SEMA3A: variants seen among roughly 807,000 people sequenced by gnomAD.
SEMA3A encodes semaphorin-3A.
SEMA3A carries 29 observed loss-of-function variants against 97.9 expected under a neutral mutation model. That is an observed-to-expected ratio of 0.30 (90% confidence interval 0.22 to 0.40). The LOEUF (loss-of-function observed/expected upper bound fraction) is 0.40, where lower values mean the gene tolerates loss of function less well. Ranked by LOEUF, SEMA3A falls within the 10% of genes least tolerant of loss-of-function variation. The pLI is 1.00. For synonymous variants in SEMA3A, 321 were observed against 323.7 expected (o/e 0.99, Z 0.09); for missense variants, 763 against 951.3 (o/e 0.80, Z 2.60).
intron 1 of SEMA3A, among the ~76,000 whole-genome samples, chr7:84,382,073 T>C (rs1358247481): frequency 6.6e-6 from 1 of 152,172 alleles, no homozygotes; most frequent in African/African-American, 2.4e-5. Context: ...TAAAAATTTT[T>C]AAAGTGGCAC....
At chr7:84,393,589 G>A (rs144346564) in intron 1 of SEMA3A, among the ~76,000 whole-genome samples, 3 of 152,070 alleles carry the variant, frequency 2.0e-5, no homozygotes, top group South Asian at 2.1e-4. Context: ...TTAAGTTATG[G>A]TGTTTCTTCT....
At position 83,962,730 on chromosome 7, in the gene SEMA3A, A is replaced by G. The variant is rs540400938; in HGVS notation, c.1860+475T>C. Among the ~76,000 whole-genome samples the G allele has an allele frequency of 9.9e-5, 15 of 152,274 alleles. No individual in the cohort carries two copies. The East Asian group carries it at 2.9e-3, about 29-fold the overall frequency. ...ATCCTGCATCAATAGTTGATATCAG[A>G]GCTTATAGTGCAGCCTTAAATCCAT... On this transcript the variant is annotated intron_variant, in intron 16 of 16. Coordinates refer to ENST00000265362, the MANE Select transcript of SEMA3A (RefSeq NM_006080.3).
intron 3 of SEMA3A, among the ~76,000 whole-genome samples, chr7:84,237,614 T>C (rs1799265603): frequency 6.6e-6 from 1 of 152,054 alleles, no homozygotes; most frequent in Admixed American, 6.6e-5. Context: ...CTTTATTATA[T>C]AGATAAGGGA....
intron 1 of SEMA3A, among the ~76,000 whole-genome samples, chr7:84,421,878 T>C (rs1266894293): frequency 6.6e-6 from 1 of 152,072 alleles, no homozygotes; most frequent in Non-Finnish European, 1.5e-5. Flanking sequence ...GACTTGATTG[T>C]GGTGGATAAG....
At chr7:84,338,827 AG>A (rs1270103553) in intron 2 of SEMA3A, among the ~76,000 whole-genome samples, 1 of 152,190 alleles carries the variant, frequency 6.6e-6, no homozygotes, top group East Asian at 1.9e-4. Context: ...ACTCCTTAAA[AG>A]AAGAGGGACA....
chr7:84,328,931 CAG>C (rs1801838552), intron 2 of SEMA3A, among the ~76,000 whole-genome samples: 1 of 151,946 alleles, frequency 6.6e-6, no homozygotes, highest in Non-Finnish European at 1.5e-5. Context: ...AATTTCCTAA[CAG>C]AGGTCATTTT....
At chr7:84,065,707 A>G (rs546067180) in intron 4 of SEMA3A, among the ~76,000 whole-genome samples, 1 of 152,278 alleles carries the variant, frequency 6.6e-6, no homozygotes, top group African/African-American at 2.4e-5. Context: ...ACACTCTCCC[A>G]AGACTAAACC....
Position 84,113,313 on chromosome 7 carries a change from G to A in SEMA3A, c.334-2724C>T, listed in dbSNP as rs139495998. On this transcript the variant is annotated intron_variant, in intron 3 of 16. Transcript: ENST00000265362. ...CTTAACAGAAAACCTACATAAAAGAGTATCAATCCTGTCATTCATTTGCCT... is the reference window on the plus strand; with the variant it reads ...CTTAACAGAAAACCTACATAAAAGAATATCAATCCTGTCATTCATTTGCCT... 4.7e-3 allele frequency among the ~76,000 whole-genome samples: 717 copies of A among 152,234 alleles called. 2 individuals carry two copies. The highest frequency in any genetic ancestry group is 0.017 in the East Asian group (88 of 5,174).
intron 3 of SEMA3A, among the ~76,000 whole-genome samples, chr7:84,122,847 T>G (rs76375789): frequency 0.013 from 1,993 of 152,258 alleles, 51 homozygotes; most frequent in African/African-American, 0.046. Flanking sequence ...ATATATCATA[T>G]CATTAAGAGG....
intron 3 of SEMA3A, among the ~76,000 whole-genome samples, chr7:84,277,474 A>G (rs1005326392): frequency 1.3e-5 from 2 of 152,150 alleles, no homozygotes; most frequent in Non-Finnish European, 1.5e-5. Flanking sequence ...CTTTCGACGG[A>G]AAGAAATCAG....
chr7:84,202,133 T>C (rs1319867005), intron 3 of SEMA3A, among the ~76,000 whole-genome samples: 2 of 151,910 alleles, frequency 1.3e-5, no homozygotes, highest in Non-Finnish European at 2.9e-5. Context: ...GTTGAAATGA[T>C]ATTTGATATT....
intron 4 of SEMA3A, among the ~76,000 whole-genome samples, chr7:84,101,869 T>C (rs1794968623): frequency 6.6e-6 from 1 of 152,008 alleles, no homozygotes; most frequent in African/African-American, 2.4e-5. Context: ...CTAAGTCTCA[T>C]AAAAACTCTA....
At chr7:84,461,609 C>G (rs1200933979) in intron 1 of SEMA3A, among the ~76,000 whole-genome samples, 1 of 152,018 alleles carries the variant, frequency 6.6e-6, no homozygotes, top group Non-Finnish European at 1.5e-5. Flanking sequence ...GTCTGCCATT[C>G]CCACCTTCCT....
intron 4 of SEMA3A, among the ~76,000 whole-genome samples, chr7:84,104,130 C>T (rs10488268): frequency 0.43 from 65,000 of 151,798 alleles, 14,994 homozygotes; most frequent in Admixed American, 0.53. Flanking sequence ...CGATGTAGTC[C>T]TTATCTGCAT....
intron 1 of SEMA3A, among the ~76,000 whole-genome samples, chr7:84,420,486 T>A (rs1804559078): frequency 2.0e-5 from 3 of 151,938 alleles, no homozygotes; most frequent in East Asian, 1.9e-4. Flanking sequence ...TGAAGATAGG[T>A]CAATTAAAAT....
intron 1 of SEMA3A, among the ~76,000 whole-genome samples, chr7:84,468,204 A>G (rs1196503243): frequency 2.0e-5 from 3 of 152,132 alleles, no homozygotes; most frequent in Non-Finnish European, 4.4e-5. Flanking sequence ...TTCCCCCCAC[A>G]TTTTGGGATA....
chr7:84,092,669 T>C (rs959476056), intron 4 of SEMA3A, among the ~76,000 whole-genome samples: 2 of 152,136 alleles, frequency 1.3e-5, no homozygotes, highest in Non-Finnish European at 2.9e-5. Flanking sequence ...ACAGATACTA[T>C]TATCTAGCAA....
At chr7:84,228,912 C>A (rs1799052994) in intron 3 of SEMA3A, among the ~76,000 whole-genome samples, 1 of 152,060 alleles carries the variant, frequency 6.6e-6, no homozygotes, top group African/African-American at 2.4e-5. Flanking sequence ...CTAAACCCCA[C>A]CAATATCTTT....
At chr7:84,241,522 T>C (rs747902060) in intron 3 of SEMA3A, among the ~76,000 whole-genome samples, 2 of 152,206 alleles carry the variant, frequency 1.3e-5, no homozygotes, top group Non-Finnish European at 2.9e-5. Context: ...GTCAGATGGA[T>C]AGATCGCAAA....
Sources: gnomAD v4.1 joint callset for allele counts (sites outside exome capture counted in the v4.1 genomes callset) on GRCh38, gnomAD v4.1.1 for gene constraint, MANE v1.5 for transcripts, NCBI Gene and HGNC (gene_info 2026-07-23, HGNC 2026-07-21) for gene names.